Variants in MLXIP observed in about 807,000 individuals in gnomAD.
MLXIP encodes MLX-interacting protein.
Under a neutral mutation model 87.2 loss-of-function variants are expected in MLXIP, and 30 were observed. The observed-to-expected ratio is 0.34, with a 90% confidence interval of 0.26 to 0.47. The LOEUF (loss-of-function observed/expected upper bound fraction) is 0.47, where lower values mean the gene tolerates loss of function less well. Ranked by LOEUF, MLXIP falls within the 20% of genes least tolerant of loss-of-function variation. The probability of loss-of-function intolerance (pLI) is 1.00; values close to 1 mark genes in which losing one functional copy is unlikely to be tolerated. For synonymous variants in MLXIP, 530 were observed against 514.0 expected (o/e 1.03, Z -0.42); for missense variants, 1,002 against 1,240.1 (o/e 0.81, Z 2.88).
rs1953274496 is a variant in MLXIP at position 122,144,958 on chromosome 12, T to A, written c.*3146T>A. 1.3e-5 allele frequency: 2 copies of A among 152,202 alleles called. No individual in the cohort carries two copies. The highest frequency in any genetic ancestry group is 4.8e-5 in the African/African-American group (2 of 41,432). The allele number at this position is 152,202 out of a possible 1,614,324, so 9.4% of individuals were successfully genotyped here. A position where few individuals can be genotyped will look rare whatever the true frequency, so the allele number is the denominator to read the frequency against. ...GAAGGCCTGCTGGCGTATAAATCCC[T>A]GGGCGGGTTTCTGATAAATTGCCCT... On this transcript the variant is annotated 3_prime_UTR_variant, in exon 17 of 17. Coordinates refer to ENST00000319080, the MANE Select transcript of MLXIP (RefSeq NM_014938.6).
chr12:122,138,967 C>T (rs1953147141), intron 15 of MLXIP, 29 bp downstream of exon 15: 3 of 1,612,592 alleles, frequency 1.9e-6, no homozygotes, highest in East Asian at 2.2e-5. Flanking sequence ...TTTGCTCTTC[C>T]CGGCCCTCAG....
intron 1 of MLXIP, among the ~76,000 whole-genome samples, chr12:122,087,290 C>T (rs961582498): frequency 6.6e-6 from 1 of 152,160 alleles, no homozygotes; most frequent in African/African-American, 2.4e-5. Context: ...GTCCTCTCCC[C>T]TCATGGGACT....
intron 1 of MLXIP, among the ~76,000 whole-genome samples, chr12:122,118,989 A>AC (rs1328674314): frequency 6.6e-6 from 1 of 151,938 alleles, no homozygotes; most frequent in Non-Finnish European, 1.5e-5. Flanking sequence ...ACATGGTGAA[A>AC]CCCCGTCTCT....
intron 1 of MLXIP, among the ~76,000 whole-genome samples, chr12:122,118,857 A>T (rs1952733297): frequency 6.7e-6 from 1 of 149,912 alleles, no homozygotes; most frequent in South Asian, 2.1e-4. Context: ...AAAAAAAAAA[A>T]ATAGATAATA....
At chr12:122,097,030 C>T (rs1435411449) in intron 1 of MLXIP, among the ~76,000 whole-genome samples, 2 of 152,184 alleles carry the variant, frequency 1.3e-5, no homozygotes, top group Admixed American at 6.5e-5. Flanking sequence ...CCGGAGATGC[C>T]GCTGTCTGGC....
chr12:122,116,053 A>AACACACACACACACACACACACACAC (rs138548664), intron 1 of MLXIP, among the ~76,000 whole-genome samples: 62 of 147,214 alleles, frequency 4.2e-4, no homozygotes, highest in African/African-American at 1.4e-3. Flanking sequence ...TCCATCTGAA[A>AACACACACACACACACACACACACAC]ACACACACAC....
chr12:122,124,706 T>G (rs190857248), intron 1 of MLXIP, among the ~76,000 whole-genome samples: 11 of 152,026 alleles, frequency 7.2e-5, no homozygotes, highest in Admixed American at 7.2e-4. Context: ...ACCTACTATG[T>G]ACTCATAAAA....
intron 1 of MLXIP, among the ~76,000 whole-genome samples, chr12:122,099,009 G>A (rs906912286): frequency 6.6e-6 from 1 of 152,224 alleles, no homozygotes; most frequent in Non-Finnish European, 1.5e-5. Context: ...AGGTCAAGGC[G>A]GGAGGATCAC....
intron 1 of MLXIP, among the ~76,000 whole-genome samples, chr12:122,115,909 A>G (rs1292012914): frequency 6.6e-6 from 1 of 151,984 alleles, no homozygotes; most frequent in Non-Finnish European, 1.5e-5. Flanking sequence ...AAAATTAGCC[A>G]GGCATGATGG....
intron 6 of MLXIP, 22 bp from the exon 7 acceptor site, chr12:122,130,822 C>T: frequency 1.3e-6 from 2 of 1,570,842 alleles, no homozygotes; most frequent in Non-Finnish European, 1.8e-6. Context: ...CAAAATGGTT[C>T]CTCTCTCTGT....
In MLXIP at chr12:122,132,316, T is replaced by C; in HGVS notation, c.1025T>C (p.Ile342Thr). The C allele has an allele frequency of 6.2e-7, 1 of 1,612,602 alleles. No individual in the cohort carries two copies. Among genetic ancestry groups the C allele is most frequent in the Non-Finnish European group, 8.5e-7 (1 of 1,179,242 alleles). The change falls in exon 8 of 17, where the codon ATT (isoleucine) becomes ACT (threonine). Residue 342 changes from isoleucine to threonine, a missense_variant. Ile to Thr is a moderately conservative substitution (Grantham distance 89). Around this residue, in one of 3 missense-constraint regions of MLXIP, gnomAD observed 746 missense variants for 897.0 expected, o/e 0.83. Coordinates refer to ENST00000319080, the MANE Select transcript of MLXIP (RefSeq NM_014938.6). Reference protein sequence around the residue: ...FQDLFSSSRSIFGSMLPASAS... With the variant: ...FQDLFSSSRSTFGSMLPASAS... ...GACCTCTTCTCTTCTAGCCGCTCCATTTTTGGCTCCATGCTACCTGCATCT... is the reference window on the plus strand; with the variant it reads ...GACCTCTTCTCTTCTAGCCGCTCCACTTTTGGCTCCATGCTACCTGCATCT...
At chr12:122,109,226 G>T (rs536417862) in intron 1 of MLXIP, among the ~76,000 whole-genome samples, 35 of 151,878 alleles carry the variant, frequency 2.3e-4, no homozygotes, top group African/African-American at 7.2e-4. Context: ...GAGCCACCAC[G>T]CCCAGCTAAT....
intron 7 of MLXIP, among the ~76,000 whole-genome samples, chr12:122,131,176 G>A (rs193003921): frequency 1.3e-5 from 2 of 152,136 alleles, no homozygotes; most frequent in African/African-American, 2.4e-5. Context: ...GTTCTCCCTC[G>A]AAGCAGCAGA....
At chr12:122,093,630 T>TG in intron 1 of MLXIP, among the ~76,000 whole-genome samples, 2 of 136,792 alleles carry the variant, frequency 1.5e-5, no homozygotes, top group Middle Eastern at 4.0e-3. Flanking sequence ...GGTGTGTGTG[T>TG]TGGTGTGTGG....
chr12:122,114,764 G>GC (rs1952663450), intron 1 of MLXIP, among the ~76,000 whole-genome samples: 2 of 150,722 alleles, frequency 1.3e-5, no homozygotes, highest in African/African-American at 4.9e-5. Context: ...TTGGTGGGGG[G>GC]GGACAGGGTC....
At chr12:122,134,169 G>T in intron 9 of MLXIP, 182 bp downstream of exon 9, 2 of 719,500 alleles carry the variant, frequency 2.8e-6, no homozygotes, top group Non-Finnish European at 4.2e-6. Context: ...GATCTAGTCC[G>T]TTTTCTATGC....
rs142022981 is a variant in MLXIP at position 122,102,370 on chromosome 12, G to A, written c.413+23104G>A. On this transcript the variant is annotated intron_variant, in intron 1 of 16. Transcript: ENST00000319080. The stretch of plus-strand genomic sequence containing the variant: ...ATACCATTAATCGTTAGGGAAATGC[G>A]CTCAAAACCACAGTAAGAGGCTACT... Among the ~76,000 whole-genome samples the A allele has an allele frequency of 6.6e-5, 10 of 152,230 alleles. No individual in the cohort carries two copies. The East Asian group carries it at 7.7e-4, about 12-fold the overall frequency.
In MLXIP at chr12:122,144,126, TG is replaced by T. The variant is rs1362838463; in HGVS notation, c.*2317del. On this transcript the variant is annotated 3_prime_UTR_variant, in exon 17 of 17. Coordinates refer to ENST00000319080, the MANE Select transcript of MLXIP (RefSeq NM_014938.6). ...AGGGGCCTAGATTTGACCTCTGTCCTGGGCTCCTGGGCCAGGTGCAGGAACA... is the reference window on the plus strand; with the variant it reads ...AGGGGCCTAGATTTGACCTCTGTCCTGGCTCCTGGGCCAGGTGCAGGAACA... 1 of 152,724 alleles carries T rather than the reference TG, an allele frequency of 6.5e-6. No individual in the cohort carries two copies. Among genetic ancestry groups the T allele is most frequent in the African/African-American group, 2.4e-5 (1 of 41,470 alleles). The allele number at this position is 152,724 out of a possible 1,614,324, so 9.5% of individuals were successfully genotyped here.
At position 122,142,663 on chromosome 12, in the gene MLXIP, T is replaced by C. The variant is rs1303694911; in HGVS notation, c.*851T>C. ...GCTGCAGCTGTTGACAGATCAAGCA[T>C]GTCCTGTGGGAGCTTAGAACCCTGA... On this transcript the variant is annotated 3_prime_UTR_variant, in exon 17 of 17. Transcript: ENST00000319080. 8.4e-6 allele frequency: 2 copies of C among 237,930 alleles called. No homozygotes were observed. The highest frequency in any genetic ancestry group is 2.2e-5 in the African/African-American group (1 of 44,514). 14.7% of individuals were successfully genotyped at this position (237,930 alleles called of 1,614,324 possible).
Sources: allele counts gnomAD v4.1 joint callset (sites outside exome capture counted in the v4.1 genomes callset), GRCh38; gene constraint gnomAD v4.1.1; regional missense constraint gnomAD v4.1.1; transcripts MANE v1.5; gene names NCBI Gene and HGNC (gene_info 2026-07-23, HGNC 2026-07-21).